The following SLC23A2 variants were observed in gnomAD, a reference collection of about 807,000 sequenced individuals.
The protein encoded by SLC23A2 is Na(+)/L-ascorbic acid transporter 2.
SLC23A2 carries 36 observed loss-of-function variants against 73.3 expected under a neutral mutation model. That is an observed-to-expected ratio of 0.49 (90% CI 0.38 to 0.65). SLC23A2 has a LOEUF of 0.65. Ranked by LOEUF, SLC23A2 falls within the 30% of genes least tolerant of loss-of-function variation. SLC23A2 has a pLI of 0.00. For missense variants in SLC23A2, 507 were observed against 841.6 expected (o/e 0.60, Z 4.92); for synonymous variants, 343 against 327.3 (o/e 1.05, Z -0.52).
intron 9 of SLC23A2, among the ~76,000 whole-genome samples, chr20:4,880,932 G>A (rs897002570): frequency 2.6e-5 from 4 of 152,226 alleles, no homozygotes; most frequent in African/African-American, 9.6e-5. Flanking sequence ...TGAGGGAGAA[G>A]CTGGGGACAG....
intron 2 of SLC23A2, among the ~76,000 whole-genome samples, chr20:4,954,154 A>G (rs1180249461): frequency 6.6e-6 from 1 of 152,182 alleles, no homozygotes; most frequent in Non-Finnish European, 1.5e-5. Context: ...AGAAATGACC[A>G]ACACTTCATA....
chr20:4,873,585 T>C (rs1227837524), intron 11 of SLC23A2, among the ~76,000 whole-genome samples: 3 of 152,216 alleles, frequency 2.0e-5, no homozygotes, highest in Non-Finnish European at 4.4e-5. Context: ...TCTTTCCACT[T>C]TGGCAGCTCT....
At chr20:4,999,025 G>A (rs891741724) in intron 1 of SLC23A2, among the ~76,000 whole-genome samples, 2 of 151,928 alleles carry the variant, frequency 1.3e-5, no homozygotes, top group South Asian at 2.1e-4. Flanking sequence ...GGCTGCTCTC[G>A]AACTCCTGAG....
chr20:4,945,440 T>C (rs2087105805), intron 2 of SLC23A2, among the ~76,000 whole-genome samples: 1 of 152,066 alleles, frequency 6.6e-6, no homozygotes, highest in Admixed American at 6.6e-5. Flanking sequence ...CATGCGCCAC[T>C]ATGCCCAGCA....
At chr20:4,860,264 T>A (rs1206145291) in intron 15 of SLC23A2, among the ~76,000 whole-genome samples, 2 of 152,248 alleles carry the variant, frequency 1.3e-5, no homozygotes, top group Non-Finnish European at 2.9e-5. Flanking sequence ...TTCATGGGTA[T>A]ACAGAGCAGT....
intron 4 of SLC23A2, 112 bp downstream of exon 4, chr20:4,912,768 C>CCCAGA: frequency 1.4e-6 from 1 of 735,654 alleles, no homozygotes; most frequent in East Asian, 2.5e-5. Context: ...GAGACCAAGC[C>CCCAGA]CCAGACGAAG....
At chr20:4,990,788 G>A (rs1240121425) in intron 1 of SLC23A2, among the ~76,000 whole-genome samples, 1 of 151,066 alleles carries the variant, frequency 6.6e-6, no homozygotes, top group Non-Finnish European at 1.5e-5. Context: ...TTCAAGACCA[G>A]CCTGACCAAC....
At chr20:4,900,749 C>A (rs975016807) in intron 5 of SLC23A2, among the ~76,000 whole-genome samples, 1 of 151,950 alleles carries the variant, frequency 6.6e-6, no homozygotes, top group Non-Finnish European at 1.5e-5. Flanking sequence ...GTCCCCCCAA[C>A]CCCCCGCCAC....
At chr20:4,984,514 C>A (rs1361064653) in intron 1 of SLC23A2, among the ~76,000 whole-genome samples, 1 of 151,312 alleles carries the variant, frequency 6.6e-6, no homozygotes, top group African/African-American at 2.4e-5. Flanking sequence ...GATTGCACCA[C>A]TGCACTCCAG....
chr20:4,935,186 C>CAAAAAAAAAAAAAA (rs34200051), intron 2 of SLC23A2, among the ~76,000 whole-genome samples: 1 of 68,132 alleles, frequency 1.5e-5, no homozygotes, highest in Non-Finnish European at 2.8e-5. Context: ...GACTCCGTCT[C>CAAAAAAAAAAAAAA]AAAAAAAAAA....
intron 1 of SLC23A2, among the ~76,000 whole-genome samples, chr20:4,996,803 C>T (rs1208495292): frequency 6.6e-6 from 1 of 151,826 alleles, no homozygotes; most frequent in Non-Finnish European, 1.5e-5. Flanking sequence ...TTAGAGACAC[C>T]TAGATCTGAG....
At chr20:4,960,411 A>G (rs1015771030) in intron 2 of SLC23A2, among the ~76,000 whole-genome samples, 1 of 152,196 alleles carries the variant, frequency 6.6e-6, no homozygotes, top group Admixed American at 6.5e-5. Context: ...AGCATACTTC[A>G]CCCCAGAGAA....
At position 4,998,600 on chromosome 20, in the gene SLC23A2, G is replaced by GA. The variant is rs2088062296; in HGVS notation, c.-282+2805dup. Among the ~76,000 whole-genome samples, 1 of 133,126 alleles carries GA rather than the reference G, an allele frequency of 7.5e-6. No individual in the cohort carries two copies. Among genetic ancestry groups the GA allele is most frequent in the Non-Finnish European group, 1.7e-5 (1 of 57,902 alleles). The allele number at this position is 133,126 out of a possible 152,430, so 87.3% of individuals were successfully genotyped here. A position where few individuals can be genotyped will look rare whatever the true frequency, so the allele number is the denominator to read the frequency against. ...TGGAGGAATAGCAGGGCATGAAAAT[G>GA]AATTAATGAGGTGAGGTTACTGGGC... is the stretch of plus-strand genomic sequence containing the variant. On this transcript the variant is annotated intron_variant, in intron 1 of 16. Transcript: ENST00000338244. The surrounding 1 kb of genome is among the most constrained non-coding windows in gnomAD (Gnocchi z 4.1).
At chr20:4,864,469 G>A (rs773476122) in intron 13 of SLC23A2, among the ~76,000 whole-genome samples, 7 of 152,138 alleles carry the variant, frequency 4.6e-5, no homozygotes, top group Non-Finnish European at 1.5e-5. Flanking sequence ...CACCACAGAC[G>A]GCAGGGAAGC....
intron 11 of SLC23A2, among the ~76,000 whole-genome samples, chr20:4,870,576 CA>C (rs60409452): frequency 0.17 from 23,424 of 139,740 alleles, 2,031 homozygotes; most frequent in African/African-American, 0.26. Context: ...GACTCCATCT[CA>C]AAAAAAAAAA....
intron 1 of SLC23A2, among the ~76,000 whole-genome samples, chr20:4,984,293 G>T (rs541023422): frequency 1.3e-5 from 2 of 151,918 alleles, no homozygotes; most frequent in African/African-American, 4.8e-5. Flanking sequence ...AGTGGCTCAC[G>T]CCTGTAATCC....
At chr20:4,945,939 A>G (rs1263252043) in intron 2 of SLC23A2, among the ~76,000 whole-genome samples, 1 of 152,144 alleles carries the variant, frequency 6.6e-6, no homozygotes, top group Admixed American at 6.6e-5. Context: ...ACAAAATATC[A>G]TCATATTCCC....
rs955586262 is a variant in SLC23A2, at chr20:4,863,617, A to T, written c.1357-710T>A. 6.6e-6 allele frequency among the ~76,000 whole-genome samples: 1 copy of T among 152,266 alleles called. No homozygotes were observed. The highest frequency in any genetic ancestry group is 1.9e-4 in the East Asian group (1 of 5,170). ...CACTGGCCTTTCCTGCACCCATTCC[A>T]TGGGGCCACGGGGTCACCTTTCTAA... On this transcript the variant is annotated intron_variant, in intron 13 of 16. Transcript: ENST00000338244. The surrounding 1 kb of genome is among the most constrained non-coding windows in gnomAD (Gnocchi z 4.8).
At chr20:4,912,667 CAAAAAAA>C (rs36084071) in intron 4 of SLC23A2, among the ~76,000 whole-genome samples, 4,434 of 73,976 alleles carry the variant, frequency 0.06, 126 homozygotes, top group Admixed American at 0.16. Flanking sequence ...TTAAAACAAT[CAAAAAAA>C]AAAAAAAAAA....
Sources: allele counts gnomAD v4.1 joint callset (sites outside exome capture counted in the v4.1 genomes callset), GRCh38; gene constraint gnomAD v4.1.1; non-coding constraint Gnocchi (gnomAD v3.1); transcripts MANE v1.5; gene names NCBI Gene and HGNC (gene_info 2026-07-23, HGNC 2026-07-21).